SGCD: variants seen among roughly 807,000 people sequenced by gnomAD.
SGCD encodes sarcoglycan delta, also known as delta-sarcoglycan.
Under a neutral mutation model 36.6 loss-of-function variants are expected in SGCD, and 18 were observed. The observed-to-expected ratio is 0.49, with a 90% CI of 0.34 to 0.73. The LOEUF is 0.73. Among genes scored for constraint, SGCD ranks in the 30% least tolerant of loss-of-function variants. The pLI is 0.01. For synonymous variants in SGCD, 133 were observed against 130.6 expected (o/e 1.02, Z -0.12); for missense variants, 387 against 346.7 (o/e 1.12, Z -0.92).
the SGCD span, among the ~76,000 whole-genome samples, chr5:155,843,426 A>T: frequency 6.6e-6 from 1 of 151,812 alleles, no homozygotes; most frequent in African/African-American, 2.4e-5. Context: ...ACACACACTG[A>T]TACTCACGCT....
intron 3 of SGCD, among the ~76,000 whole-genome samples, chr5:156,220,066 A>G (rs868218132): frequency 6.6e-6 from 1 of 152,184 alleles, no homozygotes; most frequent in Non-Finnish European, 1.5e-5. Flanking sequence ...ACATATCTAC[A>G]CGTAGCTACT....
At chr5:156,440,974 G>C (rs1040157372) in intron 3 of SGCD, among the ~76,000 whole-genome samples, 3 of 151,968 alleles carry the variant, frequency 2.0e-5, no homozygotes, top group African/African-American at 7.3e-5. Context: ...AAAATTCATT[G>C]ATTTTTATTT....
intron 3 of SGCD, among the ~76,000 whole-genome samples, chr5:156,441,424 T>C (rs931511550): frequency 5.3e-5 from 8 of 152,306 alleles, no homozygotes; most frequent in African/African-American, 1.7e-4. Flanking sequence ...AAATATCACA[T>C]GTGATACGTA....
At chr5:156,131,458 C>T (rs778725404) in intron 3 of SGCD, among the ~76,000 whole-genome samples, 13 of 152,296 alleles carry the variant, frequency 8.5e-5, no homozygotes, top group Admixed American at 1.3e-4. Context: ...CTTACGAGCC[C>T]TCTATAAATG....
intron 3 of SGCD, among the ~76,000 whole-genome samples, chr5:156,190,913 A>G (rs1434897445): frequency 6.6e-6 from 1 of 152,172 alleles, no homozygotes; most frequent in African/African-American, 2.4e-5. Context: ...ATTTTCTAGA[A>G]ATAATACCAC....
At chr5:156,377,326 A>G (rs1279734754) in intron 3 of SGCD, among the ~76,000 whole-genome samples, 3 of 152,182 alleles carry the variant, frequency 2.0e-5, no homozygotes, top group Non-Finnish European at 4.4e-5. Context: ...ATGTTAATGG[A>G]TGCCCAACTC....
chr5:156,588,017 A>G (rs1367529705), intron 4 of SGCD, among the ~76,000 whole-genome samples: 1 of 151,628 alleles, frequency 6.6e-6, no homozygotes, highest in Admixed American at 6.6e-5. Flanking sequence ...TTGAGCTATT[A>G]TTGAATTTTC....
At chr5:156,139,891 T>G (rs1762536707) in intron 3 of SGCD, among the ~76,000 whole-genome samples, 2 of 152,186 alleles carry the variant, frequency 1.3e-5, no homozygotes, top group African/African-American at 4.8e-5. Flanking sequence ...GTTTCATCCC[T>G]CAGGAATGAG....
chr5:156,727,277 G>A (rs969898684), intron 7 of SGCD, among the ~76,000 whole-genome samples: 2 of 152,208 alleles, frequency 1.3e-5, no homozygotes, highest in African/African-American at 4.8e-5. Flanking sequence ...ATCAGACCCA[G>A]GGGGATGGTG....
chr5:156,705,527 C>T (rs1485710477), intron 7 of SGCD, among the ~76,000 whole-genome samples: 1 of 152,126 alleles, frequency 6.6e-6, no homozygotes, highest in Non-Finnish European at 1.5e-5. Flanking sequence ...TATGACATAA[C>T]AACCTAAACT....
the SGCD span, among the ~76,000 whole-genome samples, chr5:155,765,725 A>C: frequency 6.6e-6 from 1 of 152,306 alleles, no homozygotes; most frequent in East Asian, 1.9e-4. Flanking sequence ...GTAATTAAAA[A>C]AACAAAAACA....
chr5:156,720,297 G>T (rs1371573159), intron 7 of SGCD, among the ~76,000 whole-genome samples: 1 of 152,136 alleles, frequency 6.6e-6, no homozygotes, highest in Non-Finnish European at 1.5e-5. Flanking sequence ...AAGAAAGTAG[G>T]ACCAGTAGGA....
intron 7 of SGCD, among the ~76,000 whole-genome samples, chr5:156,709,348 T>A (rs1754882686): frequency 6.6e-6 from 1 of 152,084 alleles, no homozygotes; most frequent in African/African-American, 2.4e-5. Context: ...CTGAATGAGG[T>A]CAAATTGCTC....
At chr5:156,611,158 C>A (rs975628768) in intron 6 of SGCD, among the ~76,000 whole-genome samples, 2 of 152,354 alleles carry the variant, frequency 1.3e-5, no homozygotes, top group Non-Finnish European at 2.9e-5. Context: ...TAGACTGGAG[C>A]TGTTCCTATT....
At chr5:155,870,565 A>C (rs779205083) in intron 1 of SGCD, 1 of 152,156 alleles carries the variant, frequency 6.6e-6, no homozygotes, top group Admixed American at 6.5e-5. Flanking sequence ...AGGAGCCTCA[A>C]AGTGTCTAGT....
At chr5:156,622,425 T>C (rs1017691312) in intron 6 of SGCD, among the ~76,000 whole-genome samples, 1 of 130,012 alleles carries the variant, frequency 7.7e-6, no homozygotes, top group Non-Finnish European at 1.6e-5. Flanking sequence ...AGGGCAAGAC[T>C]CTGTCTAAAA....
chr5:155,890,168 A>G (rs1756091190), intron 1 of SGCD, among the ~76,000 whole-genome samples: 1 of 152,238 alleles, frequency 6.6e-6, no homozygotes, highest in Non-Finnish European at 1.5e-5. Context: ...AGCTAAAAGT[A>G]CCAGAGAACA....
intron 1 of SGCD, among the ~76,000 whole-genome samples, chr5:156,093,177 C>A (rs902904328): frequency 1.3e-5 from 2 of 152,186 alleles, no homozygotes; most frequent in Non-Finnish European, 2.9e-5. Context: ...GCTGTCTTTC[C>A]AATGGCCTTC....
chr5:156,649,569 G>A (rs1763374653), intron 7 of SGCD, among the ~76,000 whole-genome samples: 2 of 152,098 alleles, frequency 1.3e-5, no homozygotes, highest in South Asian at 4.1e-4. Context: ...TAGGGACATG[G>A]ATGAAACTGG....
Sources: gnomAD v4.1 joint callset for allele counts (sites outside exome capture counted in the v4.1 genomes callset) on GRCh38, gnomAD v4.1.1 for gene constraint, MANE v1.5 for transcripts, NCBI Gene and HGNC (gene_info 2026-07-23, HGNC 2026-07-21) for gene names.